Variants in NAALADL2 observed in about 807,000 individuals in gnomAD.
The protein encoded by NAALADL2 is N-acetylated alpha-linked acidic dipeptidase like 2, also known as inactive N-acetylated-alpha-linked acidic dipeptidase-like protein 2.
A neutral mutation model predicts 87.2 loss-of-function variants in NAALADL2; 76 were observed. That is an observed-to-expected ratio of 0.87 (90% CI 0.72 to 1.05). The LOEUF is 1.05. Ranked by LOEUF, NAALADL2 falls within the 50% of genes least tolerant of loss-of-function variation. The pLI is 0.00. For synonymous variants in NAALADL2, 354 were observed against 331.0 expected, an observed-to-expected ratio of 1.07 and a Z score of -0.75; for missense variants, 1,089 against 945.8, an observed-to-expected ratio of 1.15 and a Z score of -1.99.
intron 1 of NAALADL2, among the ~76,000 whole-genome samples, chr3:174,463,443 A>T (rs1407941692): frequency 6.6e-6 from 1 of 152,186 alleles, no homozygotes; most frequent in African/African-American, 2.4e-5. Context: ...ATAAATGAAT[A>T]TGAATTTTCT....
At chr3:174,906,272 C>T (rs1003145108) in intron 1 of NAALADL2, among the ~76,000 whole-genome samples, 9 of 151,964 alleles carry the variant, frequency 5.9e-5, no homozygotes, top group African/African-American at 1.5e-4. Flanking sequence ...CTTTTTGCTT[C>T]GACAGTATGG....
intron 3 of NAALADL2, among the ~76,000 whole-genome samples, chr3:174,761,014 A>G (rs9824636): frequency 0.5 from 75,997 of 151,744 alleles, 19,762 homozygotes; most frequent in African/African-American, 0.67. Flanking sequence ...GATTATTCAC[A>G]GGCCCATTAA....
At chr3:175,132,647 C>T (rs1728292330) in intron 2 of NAALADL2, among the ~76,000 whole-genome samples, 2 of 118,634 alleles carry the variant, frequency 1.7e-5, no homozygotes, top group African/African-American at 3.6e-5. Context: ...GGGTGGCTGG[C>T]CGGGCGGGGG....
intron 9 of NAALADL2, among the ~76,000 whole-genome samples, chr3:175,474,923 C>T (rs1381503506): frequency 6.6e-6 from 1 of 151,828 alleles, no homozygotes; most frequent in African/African-American, 2.4e-5. Flanking sequence ...TCCCCAGCAC[C>T]TTATTATAAA....
intron 1 of NAALADL2, among the ~76,000 whole-genome samples, chr3:174,451,843 GTTTTTTTTTTTT>G (rs764587503): frequency 2.0e-5 from 2 of 98,098 alleles, no homozygotes; most frequent in African/African-American, 5.0e-5. Context: ...GATAGTGGGA[GTTTTTTTTTTTT>G]TTTTTTTTTT....
At chr3:175,591,794 A>G (rs1467422218) in intron 10 of NAALADL2, among the ~76,000 whole-genome samples, 734 of 8,022 alleles carry the variant, frequency 0.091, 4 homozygotes, top group African/African-American at 0.16. Flanking sequence ...GTATATATAT[A>G]TATATATATA....
intron 9 of NAALADL2, among the ~76,000 whole-genome samples, chr3:175,574,011 TA>T (rs1718493194): frequency 6.6e-6 from 1 of 152,246 alleles, no homozygotes; most frequent in African/African-American, 2.4e-5. Context: ...CTTTCCATTT[TA>T]ATTGATGTTT....
intron 11 of NAALADL2, among the ~76,000 whole-genome samples, chr3:175,638,751 A>G (rs181809812): frequency 1.3e-5 from 2 of 152,234 alleles, no homozygotes; most frequent in Admixed American, 1.3e-4. Context: ...AGATGAAAAC[A>G]TACATCATTT....
In NAALADL2 at chr3:175,017,750, T is replaced by A. The variant is rs945817377; in HGVS notation, c.44-79040T>A. ...ATATCCAATTATCACTAAATAATATTTCTGAATATTATTTTTGGGGGGCAC... is the reference window on the plus strand; with the variant it reads ...ATATCCAATTATCACTAAATAATATATCTGAATATTATTTTTGGGGGGCAC... On this transcript the variant is annotated intron_variant, in intron 1 of 13. Transcript: ENST00000454872. Among the ~76,000 whole-genome samples the A allele has an allele frequency of 1.3e-5, 2 of 152,110 alleles. 1 individual carries two copies. Among genetic ancestry groups the A allele is most frequent in the African/African-American group, 4.8e-5 (2 of 41,440 alleles).
At chr3:175,066,155 G>GT (rs1180206151) in intron 1 of NAALADL2, among the ~76,000 whole-genome samples, 1 of 152,106 alleles carries the variant, frequency 6.6e-6, no homozygotes. Flanking sequence ...CCAGAACTAG[G>GT]TGTGTGAAAG....
intron 2 of NAALADL2, among the ~76,000 whole-genome samples, chr3:174,716,120 A>C (rs1422505838): frequency 6.6e-6 from 1 of 152,104 alleles, no homozygotes; most frequent in Non-Finnish European, 1.5e-5. Context: ...TTATCTCATC[A>C]TGTAGAATAT....
chr3:175,799,566 T>A (rs1215419247), intron 13 of NAALADL2, among the ~76,000 whole-genome samples: 2 of 152,162 alleles, frequency 1.3e-5, no homozygotes, highest in Non-Finnish European at 2.9e-5. Flanking sequence ...AACTAACTTT[T>A]GTATAGGTTC....
At chr3:174,643,279 A>G (rs570748818) in intron 2 of NAALADL2, among the ~76,000 whole-genome samples, 2 of 152,286 alleles carry the variant, frequency 1.3e-5, no homozygotes, top group South Asian at 4.1e-4. Flanking sequence ...AAGTAAGCAA[A>G]TAGGTGAATA....
At chr3:174,452,891 T>A (rs1715579094) in intron 1 of NAALADL2, among the ~76,000 whole-genome samples, 1 of 152,174 alleles carries the variant, frequency 6.6e-6, no homozygotes, top group Admixed American at 6.5e-5. Flanking sequence ...TTTCTCCATA[T>A]GATCACACTA....
At chr3:174,583,558 G>T (rs1261532504) in intron 2 of NAALADL2, among the ~76,000 whole-genome samples, 1 of 152,094 alleles carries the variant, frequency 6.6e-6, no homozygotes, top group Non-Finnish European at 1.5e-5. Flanking sequence ...AGCAAACACT[G>T]AACAGTACTC....
At chr3:175,621,281 A>G (rs1374806287) in intron 10 of NAALADL2, among the ~76,000 whole-genome samples, 1 of 152,180 alleles carries the variant, frequency 6.6e-6, no homozygotes, top group African/African-American at 2.4e-5. Flanking sequence ...AGGGAGAGAA[A>G]GTTAATTTTC....
chr3:175,377,857 G>T (rs543510403), intron 5 of NAALADL2, among the ~76,000 whole-genome samples: 1 of 152,250 alleles, frequency 6.6e-6, no homozygotes, highest in South Asian at 2.1e-4. Context: ...GAGACTTCCG[G>T]ACTTCAGGGG....
chr3:174,733,867 G>A (rs774964965), intron 2 of NAALADL2, among the ~76,000 whole-genome samples: 3 of 152,134 alleles, frequency 2.0e-5, no homozygotes, highest in Non-Finnish European at 4.4e-5. Flanking sequence ...TGAATGAGGG[G>A]TCTGGCCTCT....
At chr3:175,311,225 ATT>A (rs58374410) in intron 4 of NAALADL2, among the ~76,000 whole-genome samples, 1 of 144,400 alleles carries the variant, frequency 6.9e-6, no homozygotes. Context: ...TAGAACATGG[ATT>A]TTTTTTTTTT....
Sources: gnomAD v4.1 joint callset for allele counts (sites outside exome capture counted in the v4.1 genomes callset) on GRCh38, gnomAD v4.1.1 for gene constraint, MANE v1.5 for transcripts, NCBI Gene and HGNC (gene_info 2026-07-23, HGNC 2026-07-21) for gene names.